The following NRIP1 variants were observed in gnomAD, a reference collection of about 807,000 sequenced individuals.
NRIP1 encodes nuclear receptor interacting protein 1.
In NRIP1, 28 loss-of-function variants were observed where a neutral mutation model predicts 75.0. That is an observed-to-expected ratio of 0.37 (90% CI 0.28 to 0.51). The LOEUF is 0.51. Ranked by LOEUF, NRIP1 falls within the 20% of genes least tolerant of loss-of-function variation. The probability of loss-of-function intolerance (pLI) is 0.92; values close to 1 mark genes in which losing one functional copy is unlikely to be tolerated. For synonymous variants in NRIP1, 526 were observed against 487.6 expected, an observed-to-expected ratio of 1.08 and a Z score of -1.04; for missense variants, 1,435 against 1,343.7, an observed-to-expected ratio of 1.07 and a Z score of -1.06.
rs2086659016 is a variant in NRIP1, at chr21:14,964,134, G to C, written c.*582C>G. ...GGATCAGGGTGGGACAGACACATTG[G>C]GAACCACAAAACCTCTTCCAAGAGT... On this transcript the variant is annotated 3_prime_UTR_variant, in exon 4 of 4. Transcript: ENST00000318948. The C allele has an allele frequency of 6.6e-6, 1 of 151,594 alleles. No homozygotes were observed. The highest frequency in any genetic ancestry group is 2.1e-4 in the South Asian group (1 of 4,792). The allele number at this position is 151,594 out of a possible 1,614,324, so 9.4% of individuals were successfully genotyped here.
chr21:15,064,339 G>A (rs1292279403), intron 1 of NRIP1, among the ~76,000 whole-genome samples: 1 of 152,216 alleles, frequency 6.6e-6, no homozygotes, highest in Non-Finnish European at 1.5e-5. Flanking sequence ...CGCCGCCCAG[G>A]ATCCGGCTGG....
chr21:15,064,057 T>C (rs936391624), intron 1 of NRIP1, among the ~76,000 whole-genome samples: 29 of 152,212 alleles, frequency 1.9e-4, no homozygotes, highest in African/African-American at 6.8e-4. Flanking sequence ...TAAAACAATA[T>C]TCAATCGTAA....
In NRIP1 at chr21:14,963,806, C is replaced by T. The variant is rs2086650648; in HGVS notation, c.*910G>A. On this transcript the variant is annotated 3_prime_UTR_variant, in exon 4 of 4. Coordinates refer to ENST00000318948, the MANE Select transcript of NRIP1 (RefSeq NM_003489.4). The stretch of plus-strand genomic sequence containing the variant: ...CAGGTTTAAGGAATCCTGGTCATAA[C>T]ACTCGCAGGTACCACAGGAATGGTG... 1 of 152,120 alleles carries T rather than the reference C, an allele frequency of 6.6e-6. No homozygotes were observed. The highest frequency in any genetic ancestry group is 2.1e-4 in the South Asian group (1 of 4,834). The allele number at this position is 152,120 out of a possible 1,614,324, so 9.4% of individuals were successfully genotyped here. A position where few individuals can be genotyped will look rare whatever the true frequency, so the allele number is the denominator to read the frequency against.
Position 14,961,900 on chromosome 21 carries a change from G to C in NRIP1, c.*2816C>G, listed in dbSNP as rs2086598193. On this transcript the variant is annotated 3_prime_UTR_variant, in exon 4 of 4. Coordinates refer to ENST00000318948, the MANE Select transcript of NRIP1 (RefSeq NM_003489.4). Reference sequence around the variant, plus strand: ...AAAGAGATTAAAAGGCTTTTCTGTTGCATTAGAACAATACAAAATATGTAT... The same window carrying C: ...AAAGAGATTAAAAGGCTTTTCTGTTCCATTAGAACAATACAAAATATGTAT... 1 of 151,520 alleles carries C rather than the reference G, an allele frequency of 6.6e-6. No homozygotes were observed. The highest frequency in any genetic ancestry group is 2.4e-5 in the African/African-American group (1 of 41,190). 9.4% of individuals were successfully genotyped at this position (151,520 alleles called of 1,614,324 possible).
chr21:14,998,941 A>G (rs1210807888), intron 3 of NRIP1, among the ~76,000 whole-genome samples: 1 of 151,962 alleles, frequency 6.6e-6, no homozygotes, highest in Non-Finnish European at 1.5e-5. Context: ...AGTGGCTGGG[A>G]CTCCTAATCC....
chr21:14,990,882 C>T (rs1164357225), intron 3 of NRIP1, among the ~76,000 whole-genome samples: 2 of 152,126 alleles, frequency 1.3e-5, no homozygotes, highest in Admixed American at 1.3e-4. Context: ...AAGTAGCCAT[C>T]ACACTGCCTG....
At chr21:15,015,998 C>T (rs180858958) in intron 2 of NRIP1, among the ~76,000 whole-genome samples, 29 of 152,262 alleles carry the variant, frequency 1.9e-4, no homozygotes, top group East Asian at 1.4e-3. Context: ...ACACGGCCAC[C>T]AGCAGCACCC....
intron 2 of NRIP1, among the ~76,000 whole-genome samples, chr21:15,021,619 A>G (rs2088377095): frequency 6.6e-6 from 1 of 152,226 alleles, no homozygotes. Context: ...TTACATACAA[A>G]ATCATAAATT....
At chr21:15,053,338 T>C (rs548909138) in intron 1 of NRIP1, among the ~76,000 whole-genome samples, 1 of 152,198 alleles carries the variant, frequency 6.6e-6, no homozygotes, top group East Asian at 1.9e-4. Context: ...AAATGTAAAA[T>C]AAATAGATAG....
rs1369523063 is a variant in NRIP1 at position 14,964,227 on chromosome 21, T to A, written c.*489A>T. 6.6e-6 allele frequency: 1 copy of A among 152,514 alleles called. No homozygotes were observed. Among genetic ancestry groups the A allele is most frequent in the East Asian group, 1.9e-4 (1 of 5,190 alleles). 9.4% of individuals were successfully genotyped at this position (152,514 alleles called of 1,614,324 possible). A position where few individuals can be genotyped will look rare whatever the true frequency, so the allele number is the denominator to read the frequency against. On this transcript the variant is annotated 3_prime_UTR_variant, in exon 4 of 4. Transcript: ENST00000318948. The stretch of plus-strand genomic sequence containing the variant: ...AAATGTAAGCATATATTTTTCTAAT[T>A]TATTTTTGAATTGGATAATAAGCTG...
intron 1 of NRIP1, among the ~76,000 whole-genome samples, chr21:15,057,331 AT>A (rs1286077717): frequency 6.6e-6 from 1 of 152,212 alleles, no homozygotes; most frequent in Admixed American, 6.5e-5. Context: ...ATTTCAATGA[AT>A]TATATAAAGA....
At chr21:15,015,718 AAAC>A (rs1395278096) in intron 2 of NRIP1, among the ~76,000 whole-genome samples, 2 of 152,292 alleles carry the variant, frequency 1.3e-5, no homozygotes, top group African/African-American at 4.8e-5. Context: ...TAAAAACAGG[AAAC>A]AACATTATTT....
chr21:15,011,676 G>C (rs1339454533), intron 3 of NRIP1, among the ~76,000 whole-genome samples: 1 of 152,120 alleles, frequency 6.6e-6, no homozygotes, highest in Non-Finnish European at 1.5e-5. Context: ...GAGAAAATTA[G>C]TATATTCAAG....
At chr21:14,988,448 G>C (rs2087467521) in intron 3 of NRIP1, among the ~76,000 whole-genome samples, 1 of 148,762 alleles carries the variant, frequency 6.7e-6, no homozygotes, top group Non-Finnish European at 1.5e-5. Flanking sequence ...TAGATAGATA[G>C]ATAGATAGAC....
intron 3 of NRIP1, among the ~76,000 whole-genome samples, chr21:14,971,085 C>T (rs1165407348): frequency 6.6e-6 from 1 of 152,188 alleles, no homozygotes; most frequent in African/African-American, 2.4e-5. Flanking sequence ...TCAGCTTTCT[C>T]AGGTTGAAAA....
chr21:14,963,536 CT>C lies in NRIP1; in HGVS notation c.*1179del, dbSNP rs2086644259. 1 of 152,420 alleles carries C rather than the reference CT, an allele frequency of 6.6e-6. No individual in the cohort carries two copies. Among genetic ancestry groups the C allele is most frequent in the Admixed American group, 6.6e-5 (1 of 15,242 alleles). 9.4% of individuals were successfully genotyped at this position (152,420 alleles called of 1,614,324 possible). ...TTGCAAATTTTGAGCTGATGTGTGA[CT>C]GTATTGGGGAAAATAGAGGCATCAC... is the stretch of plus-strand genomic sequence containing the variant. On this transcript the variant is annotated 3_prime_UTR_variant, in exon 4 of 4. Coordinates refer to ENST00000318948, the MANE Select transcript of NRIP1 (RefSeq NM_003489.4).
intron 1 of NRIP1, among the ~76,000 whole-genome samples, chr21:15,064,320 G>A (rs1223722372): frequency 1.3e-5 from 2 of 152,224 alleles, no homozygotes; most frequent in Non-Finnish European, 2.9e-5. Flanking sequence ...GAGGCACCCA[G>A]GCGAAAGGCG....
At chr21:15,028,366 T>G (rs1039584449) in intron 2 of NRIP1, among the ~76,000 whole-genome samples, 2 of 152,250 alleles carry the variant, frequency 1.3e-5, no homozygotes, top group Non-Finnish European at 2.9e-5. Flanking sequence ...GCTTGCACAT[T>G]AACTACAGGC....
intron 2 of NRIP1, among the ~76,000 whole-genome samples, chr21:15,040,429 TAATTTTTCA>T (rs2088926945): frequency 6.6e-6 from 1 of 152,070 alleles, no homozygotes; most frequent in African/African-American, 2.4e-5. Flanking sequence ...AGAAAAAGAT[TAATTTTTCA>T]AATACTTATA....
Sources: gnomAD v4.1 joint callset for allele counts (sites outside exome capture counted in the v4.1 genomes callset) on GRCh38, gnomAD v4.1.1 for gene constraint, MANE v1.5 for transcripts, NCBI Gene and HGNC (gene_info 2026-07-23, HGNC 2026-07-21) for gene names.